C1QTNF7: variants seen among roughly 807,000 people sequenced by gnomAD.
C1QTNF7 encodes complement C1q tumor necrosis factor-related protein 7.
C1QTNF7 carries 15 observed loss-of-function variants against 19.6 expected under a neutral mutation model. The observed-to-expected ratio is 0.76, with a 90% confidence interval of 0.51 to 1.18. The LOEUF (loss-of-function observed/expected upper bound fraction) is 1.18. Among genes scored for constraint, C1QTNF7 ranks in the 50% most tolerant of loss-of-function variants. C1QTNF7 has a pLI of 0.00. For synonymous variants in C1QTNF7, 142 were observed against 137.5 expected, an observed-to-expected ratio of 1.03 and a Z score of -0.23; for missense variants, 324 against 359.7, an observed-to-expected ratio of 0.90 and a Z score of 0.80.
At chr4:15,350,123 C>A (rs1461717430) in intron 1 of C1QTNF7, among the ~76,000 whole-genome samples, 7 of 62,068 alleles carry the variant, frequency 1.1e-4, no homozygotes, top group African/African-American at 3.0e-4. Context: ...GGCAGGCAAG[C>A]AGGAAAGAAG....
chr4:15,411,743 G>A lies in C1QTNF7; in HGVS notation c.14-23993G>A, dbSNP rs546726178. ...GCTATAACAAATTATCACAAACCTGGTGGAGCAGTTACCATCTTATGGTTC... is the reference window on the plus strand; with the variant it reads ...GCTATAACAAATTATCACAAACCTGATGGAGCAGTTACCATCTTATGGTTC... On this transcript the variant is annotated intron_variant, in intron 1 of 2. Coordinates refer to the C1QTNF7 transcript ENST00000295297. Among the ~76,000 whole-genome samples the A allele has an allele frequency of 2.0e-5, 3 of 152,326 alleles. No homozygotes were observed. In the East Asian group the frequency reaches 5.8e-4, roughly 29 times the overall value.
At chr4:15,408,665 A>T (rs969717342) in intron 1 of C1QTNF7, among the ~76,000 whole-genome samples, 1 of 152,172 alleles carries the variant, frequency 6.6e-6, no homozygotes, top group African/African-American at 2.4e-5. Context: ...TCTCAGCCCC[A>T]AAGAAGGCTC....
chr4:15,352,059 G>C (rs1716958411), intron 1 of C1QTNF7, among the ~76,000 whole-genome samples: 1 of 152,134 alleles, frequency 6.6e-6, no homozygotes, highest in Non-Finnish European at 1.5e-5. Flanking sequence ...AAATTTTGGA[G>C]AATGATGAGA....
intron 1 of C1QTNF7, among the ~76,000 whole-genome samples, chr4:15,355,064 C>A (rs116671730): frequency 0.016 from 2,444 of 152,228 alleles, 68 homozygotes; most frequent in African/African-American, 0.056. Context: ...TAGGATTCAA[C>A]CTGAGTGCAC....
At chr4:15,367,553 A>G (rs1481472474) in intron 1 of C1QTNF7, among the ~76,000 whole-genome samples, 1 of 152,236 alleles carries the variant, frequency 6.6e-6, no homozygotes, top group Non-Finnish European at 1.5e-5. Context: ...TATCAATGTC[A>G]GAGGGACCAG....
chr4:15,361,039 T>C (rs1717326152), intron 1 of C1QTNF7: 1 of 152,200 alleles, frequency 6.6e-6, no homozygotes, highest in Non-Finnish European at 1.5e-5. Context: ...TAAGCTACTA[T>C]ATTTCTAATA....
At position 15,437,959 on chromosome 4, in the gene C1QTNF7, A is replaced by G. The variant is rs568423219; in HGVS notation, c.238+1978A>G. Among the ~76,000 whole-genome samples, 3 of 152,304 alleles carry G rather than the reference A, an allele frequency of 2.0e-5. No individual in the cohort carries two copies. In the South Asian group the frequency reaches 6.2e-4, roughly 32 times the overall value. On this transcript the variant is annotated intron_variant, in intron 2 of 2. Transcript: ENST00000444304. ...GAGAACGCTGTTCTAGACACTGGGA[A>G]CGCAAGCATAAGACATTGTTCTTGC...
chr4:15,370,450 C>T (rs570740490), intron 1 of C1QTNF7, among the ~76,000 whole-genome samples: 12 of 152,132 alleles, frequency 7.9e-5, no homozygotes, highest in Non-Finnish European at 1.8e-4. Context: ...GTGTGCCCTC[C>T]TTGGCTGGCT....
intron 1 of C1QTNF7, among the ~76,000 whole-genome samples, chr4:15,351,602 G>C (rs1716941723): frequency 6.6e-6 from 1 of 152,170 alleles, no homozygotes; most frequent in South Asian, 2.1e-4. Flanking sequence ...AGCCCAAGCG[G>C]CGCCCGAGAC....
chr4:15,402,245 G>A (rs951259659), intron 1 of C1QTNF7, among the ~76,000 whole-genome samples: 24 of 152,180 alleles, frequency 1.6e-4, no homozygotes, highest in Non-Finnish European at 2.6e-4. Flanking sequence ...GGGACAAGGT[G>A]ACCCAAGAGG....
upstream of C1QTNF7, among the ~76,000 whole-genome samples, chr4:15,426,479 A>C (rs1712058448): frequency 6.6e-6 from 1 of 152,250 alleles, no homozygotes; most frequent in South Asian, 2.1e-4. Context: ...ATAAAGAAGA[A>C]AAAGAAGAAA....
chr4:15,359,768 C>T (rs1717272509), intron 1 of C1QTNF7, among the ~76,000 whole-genome samples: 1 of 152,116 alleles, frequency 6.6e-6, no homozygotes, highest in African/African-American at 2.4e-5. Flanking sequence ...ACCAGTCTAC[C>T]CCCAGATTTT....
intron 2 of C1QTNF7, among the ~76,000 whole-genome samples, chr4:15,438,469 TC>T (rs1712625221): frequency 6.6e-6 from 1 of 152,160 alleles, no homozygotes; most frequent in Admixed American, 6.5e-5. Flanking sequence ...GTGAATACCC[TC>T]ACCACATCCA....
chr4:15,372,513 A>G lies in C1QTNF7; in HGVS notation c.13+32306A>G, dbSNP rs142006358. On this transcript the variant is annotated intron_variant, in intron 1 of 2. Coordinates refer to the C1QTNF7 transcript ENST00000295297. ...GCCACCCAGTCTATGGTATTTTGTTATGGCAGCCCAAGCAAGACTCTACTA... is the reference window on the plus strand; with the variant it reads ...GCCACCCAGTCTATGGTATTTTGTTGTGGCAGCCCAAGCAAGACTCTACTA... 4.0e-3 allele frequency among the ~76,000 whole-genome samples: 603 copies of G among 152,344 alleles called. 1 individual carries two copies. The highest frequency in any genetic ancestry group is 6.2e-3 in the South Asian group (30 of 4,826).
chr4:15,389,981 T>A (rs1718496675), intron 1 of C1QTNF7, among the ~76,000 whole-genome samples: 1 of 152,270 alleles, frequency 6.6e-6, no homozygotes, highest in African/African-American at 2.4e-5. Flanking sequence ...GGTCCTTTGA[T>A]ATTATGAAGA....
intron 1 of C1QTNF7, chr4:15,381,969 T>C (rs1718162770): frequency 6.6e-6 from 1 of 152,250 alleles, no homozygotes; most frequent in Non-Finnish European, 1.5e-5. Flanking sequence ...CAATTTCATT[T>C]TCCAAGCTGC....
chr4:15,440,925 G>A (rs1183834004), intron 2 of C1QTNF7, among the ~76,000 whole-genome samples: 1 of 152,126 alleles, frequency 6.6e-6, no homozygotes, highest in African/African-American at 2.4e-5. Flanking sequence ...CGGATCACCT[G>A]AGGTCAGGAG....
intron 2 of C1QTNF7, among the ~76,000 whole-genome samples, chr4:15,436,785 A>C (rs935795154): frequency 1.3e-5 from 2 of 152,234 alleles, no homozygotes; most frequent in Non-Finnish European, 2.9e-5. Context: ...TTTGGAATCA[A>C]TCTTTCAAGA....
At chr4:15,415,108 G>A (rs1156773594) in intron 1 of C1QTNF7, among the ~76,000 whole-genome samples, 1 of 152,154 alleles carries the variant, frequency 6.6e-6, no homozygotes. Flanking sequence ...CACAAAACAA[G>A]TCCAAAATCT....
Sources: allele counts gnomAD v4.1 joint callset (sites outside exome capture counted in the v4.1 genomes callset), GRCh38; gene constraint gnomAD v4.1.1; transcripts MANE v1.5; gene names NCBI Gene and HGNC (gene_info 2026-07-23, HGNC 2026-07-21).